EYS: variants seen among roughly 807,000 people sequenced by gnomAD.
EYS encodes the protein EGF-like photoreceptor maintenance factor, also known as protein eyes shut homolog.
In EYS, 250 loss-of-function variants were observed where a neutral mutation model predicts 282.1. The observed-to-expected ratio is 0.89, with a 90% CI of 0.80 to 0.98. EYS has a LOEUF of 0.98. Among genes scored for constraint, EYS ranks in the 50% least tolerant of loss-of-function variants. EYS has a pLI of 0.00. For synonymous variants in EYS, 1,355 were observed against 1,282.9 expected, an observed-to-expected ratio of 1.06 and a Z score of -1.20; for missense variants, 4,016 against 3,709.0, an observed-to-expected ratio of 1.08 and a Z score of -2.15.
At chr6:65,153,795 A>C (rs900110681) in intron 12 of EYS, among the ~76,000 whole-genome samples, 1 of 151,772 alleles carries the variant, frequency 6.6e-6, no homozygotes, top group Non-Finnish European at 1.5e-5. Flanking sequence ...TTAGACTGTT[A>C]ATGTAATCAC....
At position 64,526,466 on chromosome 6, in the gene EYS, T is replaced by TA. The variant is rs529045579; in HGVS notation, c.5644+63756dup. On this transcript the variant is annotated intron_variant, in intron 26 of 42. Transcript: ENST00000503581. Reference sequence around the variant, plus strand: ...ATTAAATAGACCTAATTTATTCATTTAAAAAAATTATATATTTTTTCCAGA... The same window carrying TA: ...ATTAAATAGACCTAATTTATTCATTTAAAAAAAATTATATATTTTTTCCAGA... Among the ~76,000 whole-genome samples the TA allele has an allele frequency of 3.9e-5, 6 of 151,946 alleles. No individual in the cohort carries two copies. The East Asian group carries it at 5.8e-4, about 15-fold the overall frequency.
At chr6:65,000,228 C>G (rs958450528) in intron 13 of EYS, among the ~76,000 whole-genome samples, 1 of 152,170 alleles carries the variant, frequency 6.6e-6, no homozygotes, top group African/African-American at 2.4e-5. Flanking sequence ...AGCCACTCCC[C>G]CTGTCACACA....
chr6:64,965,353 C>T (rs1019600760), intron 14 of EYS, among the ~76,000 whole-genome samples: 2 of 151,466 alleles, frequency 1.3e-5, no homozygotes, highest in Admixed American at 1.3e-4. Flanking sequence ...AATAAAATAG[C>T]TATTGTTTAT....
intron 26 of EYS, among the ~76,000 whole-genome samples, chr6:64,455,172 A>G (rs1775512294): frequency 6.6e-6 from 1 of 152,050 alleles, no homozygotes; most frequent in South Asian, 2.1e-4. Flanking sequence ...TCTGCCTCAC[A>G]AAGTGTTACG....
At chr6:65,413,775 G>C (rs1767121327) in intron 5 of EYS, among the ~76,000 whole-genome samples, 1 of 151,980 alleles carries the variant, frequency 6.6e-6, no homozygotes, top group Admixed American at 6.6e-5. Context: ...AGAATTGCTA[G>C]AACCCAGGAG....
At chr6:65,114,005 A>G (rs16880346) in intron 12 of EYS, among the ~76,000 whole-genome samples, 39,782 of 151,876 alleles carry the variant, frequency 0.26, 6,390 homozygotes, top group African/African-American at 0.45. Context: ...TTGGTCTCCT[A>G]CATAGAACTG....
At chr6:64,327,823 C>T (rs1316499282) in intron 29 of EYS, among the ~76,000 whole-genome samples, 1 of 152,166 alleles carries the variant, frequency 6.6e-6, no homozygotes, top group Non-Finnish European at 1.5e-5. Flanking sequence ...CCTGGCAAGG[C>T]TTAGACAGGA....
chr6:63,831,652 A>G (rs1771641709), intron 36 of EYS, among the ~76,000 whole-genome samples: 1 of 152,228 alleles, frequency 6.6e-6, no homozygotes, highest in African/African-American at 2.4e-5. Flanking sequence ...CATTAGACAG[A>G]TCAAAGAGAC....
Position 65,405,362 on chromosome 6 carries a change from ATGG to A in EYS, c.865_867del (p.Pro289del). On this transcript the variant is annotated inframe_deletion and splice_region_variant, in exon 6 of 43. Coordinates refer to ENST00000503581, the MANE Select transcript of EYS (RefSeq NM_001142800.2). ...CAAGGTTTTGCTGACACCTCACAGA[ATGG>A]ACCTTAAAAAAATCACACACAAGAA... The A allele has an allele frequency of 6.2e-7, 1 of 1,604,978 alleles. No individual in the cohort carries two copies. The highest frequency in any genetic ancestry group is 8.5e-7 in the Non-Finnish European group (1 of 1,176,590).
At chr6:65,013,932 T>C (rs1771961257) in intron 13 of EYS, among the ~76,000 whole-genome samples, 1 of 152,180 alleles carries the variant, frequency 6.6e-6, no homozygotes, top group African/African-American at 2.4e-5. Flanking sequence ...TTGTTTACTT[T>C]ATATGGAAGA....
At chr6:63,883,825 A>T (rs1773193697) in intron 35 of EYS, among the ~76,000 whole-genome samples, 1 of 152,116 alleles carries the variant, frequency 6.6e-6, no homozygotes, top group Admixed American at 6.6e-5. Context: ...TCTCTTTTGT[A>T]TGATACTCTC....
rs200225983 is a variant in EYS at position 65,141,505 on chromosome 6, AC to A, written c.2024-83779del. ...CTTAAAGTATAATAATAAAAAAAAA[AC>A]AAAATTTCTAAATCTGGCAAAAGAT... On this transcript the variant is annotated intron_variant, in intron 12 of 42. Coordinates refer to ENST00000503581, the MANE Select transcript of EYS (RefSeq NM_001142800.2). Among the ~76,000 whole-genome samples the A allele has an allele frequency of 3.4e-3, 507 of 151,104 alleles. 2 individuals carry two copies. The highest frequency in any genetic ancestry group is 0.012 in the African/African-American group (485 of 40,878).
intron 36 of EYS, among the ~76,000 whole-genome samples, chr6:63,834,541 A>C (rs1771747979): frequency 6.6e-6 from 1 of 151,686 alleles, no homozygotes; most frequent in Non-Finnish European, 1.5e-5. Context: ...ATCATTAAAA[A>C]GTCAGGAAAC....
intron 13 of EYS, among the ~76,000 whole-genome samples, chr6:65,052,495 G>A (rs955120968): frequency 7.9e-5 from 12 of 151,628 alleles, no homozygotes; most frequent in East Asian, 5.8e-4. Context: ...CAATAGACAC[G>A]TTAATGACAA....
intron 8 of EYS, among the ~76,000 whole-genome samples, chr6:65,365,193 C>T (rs1206360358): frequency 6.6e-6 from 1 of 151,614 alleles, no homozygotes; most frequent in Non-Finnish European, 1.5e-5. Flanking sequence ...CAAGAACTGA[C>T]CTATATTTGC....
chr6:64,553,561 A>T (rs1315558281), intron 26 of EYS, among the ~76,000 whole-genome samples: 1 of 49,946 alleles, frequency 2.0e-5, no homozygotes, highest in Non-Finnish European at 3.9e-5. Context: ...CCCCCCCCAT[A>T]GGCAGTTACA....
At chr6:64,611,471 T>C (rs1767114877) in intron 24 of EYS, among the ~76,000 whole-genome samples, 1 of 152,156 alleles carries the variant, frequency 6.6e-6, no homozygotes, top group Non-Finnish European at 1.5e-5. Context: ...TCCCTCATCA[T>C]ACAGTTTTCT....
At chr6:64,335,767 C>T (rs1011991570) in intron 29 of EYS, among the ~76,000 whole-genome samples, 1 of 152,108 alleles carries the variant, frequency 6.6e-6, no homozygotes, top group African/African-American at 2.4e-5. Context: ...ATCAGATTAA[C>T]AGCAGATTTC....
At chr6:63,726,705 T>TC (rs1561996945) in intron 41 of EYS, 25 bp from the exon 42 acceptor site, 1 of 1,537,692 alleles carries the variant, frequency 6.5e-7, no homozygotes, top group Non-Finnish European at 8.8e-7. Context: ...GAAAGAGAAC[T>TC]CTGGGAGTTA....
Sources: allele counts gnomAD v4.1 joint callset (sites outside exome capture counted in the v4.1 genomes callset), GRCh38; gene constraint gnomAD v4.1.1; transcripts MANE v1.5; gene names NCBI Gene and HGNC (gene_info 2026-07-23, HGNC 2026-07-21).